BOLL: variants seen among roughly 807,000 people sequenced by gnomAD.
BOLL encodes boule RNA binding protein.
In BOLL, 23 loss-of-function variants were observed where a neutral mutation model predicts 44.4. That is an observed-to-expected ratio of 0.52 (90% CI 0.37 to 0.73). The LOEUF is 0.73. Among genes scored for constraint, BOLL ranks in the 30% least tolerant of loss-of-function variants. The pLI is 0.00. For missense variants in BOLL, 287 were observed against 338.3 expected, an observed-to-expected ratio of 0.85 and a Z score of 1.19; for synonymous variants, 97 against 110.8, an observed-to-expected ratio of 0.88 and a Z score of 0.78.
At chr2:197,759,684 C>T (rs1688666958) in intron 7 of BOLL, among the ~76,000 whole-genome samples, 1 of 152,178 alleles carries the variant, frequency 6.6e-6, no homozygotes, top group Non-Finnish European at 1.5e-5. Context: ...ACGTCTGTTG[C>T]CCTCACCTCC....
chr2:197,739,947 C>G (rs1687659060), intron 10 of BOLL, among the ~76,000 whole-genome samples: 1 of 152,146 alleles, frequency 6.6e-6, no homozygotes, highest in Non-Finnish European at 1.5e-5. Flanking sequence ...ATAGCAACAT[C>G]AGCCATTTCT....
At chr2:197,775,452 A>G (rs1689465482) in intron 5 of BOLL, among the ~76,000 whole-genome samples, 1 of 148,552 alleles carries the variant, frequency 6.7e-6, no homozygotes, top group Non-Finnish European at 1.5e-5. Flanking sequence ...GAATATACTT[A>G]AGCATCTTTA....
chr2:197,777,010 C>A, intron 4 of BOLL, 49 bp downstream of exon 4: 1 of 1,410,540 alleles, frequency 7.1e-7, no homozygotes, highest in South Asian at 1.3e-5. Context: ...AGATTAGTTT[C>A]AAATACAAAA....
Position 197,757,341 on chromosome 2 carries a change from G to A in BOLL, c.600+12C>T. ...AAGGATTTAAAATTATATATTGAAAGTTAACATTTACCTGAGGAACACTCC... is the reference window on the plus strand; with the variant it reads ...AAGGATTTAAAATTATATATTGAAAATTAACATTTACCTGAGGAACACTCC... On this transcript the variant is annotated intron_variant, in intron 8 of 10. Coordinates refer to ENST00000392296, the MANE Select transcript of BOLL (RefSeq NM_033030.6). 1.3e-6 allele frequency: 2 copies of A among 1,597,938 alleles called. No individual in the cohort carries two copies. The highest frequency in any genetic ancestry group is 8.6e-7 in the Non-Finnish European group (1 of 1,169,540).
At chr2:197,772,221 C>T (rs777739841) in intron 5 of BOLL, among the ~76,000 whole-genome samples, 9 of 151,850 alleles carry the variant, frequency 5.9e-5, no homozygotes, top group African/African-American at 9.7e-5. Context: ...AAAAACAATA[C>T]GAATAAGAAA....
In BOLL at chr2:197,759,433, G is replaced by A. The variant is rs1345844169; in HGVS notation, c.553-2033C>T. ...TCGTGGCTGCATTGCCCCGAATTAGGAGTACAAAGTGTGTACTCCCCACCC... is the reference window on the plus strand; with the variant it reads ...TCGTGGCTGCATTGCCCCGAATTAGAAGTACAAAGTGTGTACTCCCCACCC... On this transcript the variant is annotated intron_variant, in intron 7 of 10. Coordinates refer to ENST00000392296, the MANE Select transcript of BOLL (RefSeq NM_033030.6). Among the ~76,000 whole-genome samples the A allele has an allele frequency of 3.3e-5, 5 of 152,080 alleles. No homozygotes were observed. The East Asian group carries it at 7.8e-4, about 24-fold the overall frequency.
At chr2:197,769,182 A>C (rs1368029629) in intron 6 of BOLL, among the ~76,000 whole-genome samples, 10 of 151,944 alleles carry the variant, frequency 6.6e-5, no homozygotes, top group Non-Finnish European at 1.5e-5. Flanking sequence ...TCATAAAATG[A>C]GTTAGGGAGG....
At chr2:197,765,459 A>G (rs900681048) in intron 7 of BOLL, among the ~76,000 whole-genome samples, 1 of 152,048 alleles carries the variant, frequency 6.6e-6, no homozygotes, top group Non-Finnish European at 1.5e-5. Flanking sequence ...ACATAGTTTC[A>G]AATAGCTAGG....
At chr2:197,769,158 G>A (rs1466152811) in intron 6 of BOLL, among the ~76,000 whole-genome samples, 1 of 151,990 alleles carries the variant, frequency 6.6e-6, no homozygotes, top group Non-Finnish European at 1.5e-5. Flanking sequence ...TTTGGTATCA[G>A]GATGATGCTG....
chr2:197,756,637 G>GAAGTACTTGTTTTTTATTTTACT, intron 8 of BOLL, 81 bp from the exon 9 acceptor site: 1 of 1,324,346 alleles, frequency 7.6e-7, no homozygotes, highest in Non-Finnish European at 1.0e-6. Flanking sequence ...ACAGATGAGA[G>GAAGTACTTGTTTTTTATTTTACT]AAGTACTTGT....
intron 7 of BOLL, among the ~76,000 whole-genome samples, chr2:197,765,595 T>A (rs1291571814): frequency 1.3e-5 from 2 of 151,864 alleles, no homozygotes; most frequent in Admixed American, 6.6e-5. Flanking sequence ...TGAATAGGTA[T>A]AATTATCATT....
At chr2:197,744,147 G>A (rs1687890339) in intron 9 of BOLL, among the ~76,000 whole-genome samples, 1 of 152,198 alleles carries the variant, frequency 6.6e-6, no homozygotes, top group South Asian at 2.1e-4. Context: ...AACCCAGTAT[G>A]TATTTTACAC....
At chr2:197,736,570 T>TA (rs1437866291) in intron 10 of BOLL, among the ~76,000 whole-genome samples, 1 of 152,124 alleles carries the variant, frequency 6.6e-6, no homozygotes, top group Non-Finnish European at 1.5e-5. Context: ...CTCTATGTAT[T>TA]ATTTTTACAA....
chr2:197,736,065 A>G (rs1687470012), intron 10 of BOLL, among the ~76,000 whole-genome samples: 1 of 152,054 alleles, frequency 6.6e-6, no homozygotes, highest in South Asian at 2.1e-4. Context: ...TCTGCCACTT[A>G]CTCAACTATG....
intron 7 of BOLL, among the ~76,000 whole-genome samples, chr2:197,762,762 CT>C (rs1317540477): frequency 2.0e-5 from 3 of 152,068 alleles, no homozygotes; most frequent in Admixed American, 6.6e-5. Flanking sequence ...ACAATGAATG[CT>C]TACATCAAAA....
In BOLL at chr2:197,756,581, A is replaced by T. The variant is rs1688524854; in HGVS notation, c.601-25T>A. 3 of 1,563,994 alleles carry T rather than the reference A, an allele frequency of 1.9e-6. No homozygotes were observed. The East Asian group carries it at 6.9e-5, about 36-fold the overall frequency. ...GCTAAAATACAAAACCATATTTCTA[A>T]TTCAAATATGATTAGTTATTTCTGT... is the stretch of plus-strand genomic sequence containing the variant. On this transcript the variant is annotated intron_variant, in intron 8 of 10. Coordinates refer to ENST00000392296, the MANE Select transcript of BOLL (RefSeq NM_033030.6).
At chr2:197,757,484 G>T (rs1688570834) in intron 7 of BOLL, 84 bp from the exon 8 acceptor site, 1 of 1,189,472 alleles carries the variant, frequency 8.4e-7, no homozygotes, top group South Asian at 1.4e-5. Context: ...AAAATATGAA[G>T]TTGGACCCTC....
intron 8 of BOLL, 104 bp from the exon 9 acceptor site, chr2:197,756,660 T>A: frequency 8.3e-7 from 1 of 1,197,820 alleles, no homozygotes; most frequent in Non-Finnish European, 1.1e-6. Flanking sequence ...TTTATTTTAC[T>A]AAATTTTTTT....
chr2:197,747,191 T>C lies in BOLL; in HGVS notation c.730-4032A>G, dbSNP rs113698830. The stretch of plus-strand genomic sequence containing the variant: ...GTAATCATTTCACAGTGTGTACATA[T>C]ATCCAACCATCATGCTATACACTGT... On this transcript the variant is annotated intron_variant, in intron 9 of 10. Coordinates refer to ENST00000392296, the MANE Select transcript of BOLL (RefSeq NM_033030.6). Among the ~76,000 whole-genome samples, 951 of 152,250 alleles carry C rather than the reference T, an allele frequency of 6.2e-3. 17 individuals carry two copies. Among genetic ancestry groups the C allele is most frequent in the African/African-American group, 0.021 (889 of 41,546 alleles).
Sources: gnomAD v4.1 joint callset for allele counts (sites outside exome capture counted in the v4.1 genomes callset) on GRCh38, gnomAD v4.1.1 for gene constraint, MANE v1.5 for transcripts, NCBI Gene and HGNC (gene_info 2026-07-23, HGNC 2026-07-21) for gene names.